The following SLC52A3 variants were observed in gnomAD, a reference collection of about 807,000 sequenced individuals.
SLC52A3 encodes the protein solute carrier family 52, riboflavin transporter, member 3.
A neutral mutation model predicts 29.5 loss-of-function variants in SLC52A3; 20 were observed. The observed-to-expected ratio is 0.68, with a 90% confidence interval of 0.48 to 0.99. The LOEUF is 0.99. Ranked by LOEUF, SLC52A3 falls within the 50% of genes least tolerant of loss-of-function variation. The pLI, the probability that SLC52A3 is intolerant of heterozygous loss-of-function variation, is 0.00. For missense variants in SLC52A3, 548 were observed against 612.9 expected, an observed-to-expected ratio of 0.89 and a Z score of 1.12; for synonymous variants, 301 against 271.0, an observed-to-expected ratio of 1.11 and a Z score of -1.09.
chr20:765,534 C>A lies in SLC52A3; in HGVS notation c.241G>T (p.Val81Leu). 14 of 1,575,926 alleles carry A rather than the reference C, an allele frequency of 8.9e-6. No homozygotes were observed. The highest frequency in any genetic ancestry group is 1.2e-5 in the Non-Finnish European group (14 of 1,160,600). ...AAGATGATGCAGGTGACGGTTCCCA[C>A]GCCCAGCAGGGTGAAGATGATGGGC... ...EVPIIFTLLG[V>L]GTVTCIIFAF... Residue 81 changes from valine to leucine, a missense_variant, in exon 2 of 5, where the codon GTG becomes TTG. Physicochemically the swap from Val to Leu is conservative, Grantham distance 32 (BLOSUM62 1). Coordinates refer to ENST00000645534, the MANE Select transcript of SLC52A3 (RefSeq NM_033409.4). This position sits in a 1 kb window ranked among gnomAD's most constrained non-coding sequence, Gnocchi z 6.6.
In SLC52A3 at chr20:761,562, G is replaced by A. The variant is rs1004932323; in HGVS notation, c.1197+139C>T. On this transcript the variant is annotated intron_variant, in intron 4 of 4. Transcript: ENST00000645534. The stretch of plus-strand genomic sequence containing the variant: ...AGCCTCCACTCCCAAATGAGGAAGG[G>A]GCGCTTCCCCCACCTGGGGCTTCCC... 4.6e-6 allele frequency: 6 copies of A among 1,302,762 alleles called. No individual in the cohort carries two copies. The African/African-American group carries it at 7.3e-5, about 16-fold the overall frequency. 80.7% of individuals were successfully genotyped at this position (1,302,762 alleles called of 1,614,324 possible). A position where few individuals can be genotyped will look rare whatever the true frequency, so the allele number is the denominator to read the frequency against.
chr20:765,135 G>T lies in SLC52A3; in HGVS notation c.567+73C>A. On this transcript the variant is annotated intron_variant, in intron 2 of 4. Transcript: ENST00000645534. The surrounding 1 kb of genome is among the most constrained non-coding windows in gnomAD (Gnocchi z 6.6). ...GACCAAAGAACCTAGAAGGATGGAGGTGAGCAGTTTTTCCCTCCCCTACAT... is the reference window on the plus strand; with the variant it reads ...GACCAAAGAACCTAGAAGGATGGAGTTGAGCAGTTTTTCCCTCCCCTACAT... The T allele has an allele frequency of 1.3e-6, 2 of 1,535,620 alleles. No homozygotes were observed. The highest frequency in any genetic ancestry group is 1.8e-6 in the Non-Finnish European group (2 of 1,111,220).
At chr20:768,921 G>A (rs1270731917), upstream of SLC52A3, among the ~76,000 whole-genome samples, 3 of 152,198 alleles carry the variant, frequency 2.0e-5, no homozygotes, top group Non-Finnish European at 4.4e-5. Flanking sequence ...CCACATCCAA[G>A]CTTTCTACAA....
chr20:761,519 A>T, intron 4 of SLC52A3, 182 bp downstream of exon 4: 1 of 882,670 alleles, frequency 1.1e-6, no homozygotes, highest in Non-Finnish European at 1.8e-6. Flanking sequence ...GAGGCCTACC[A>T]GTCACCTCGA....
At chr20:767,741 A>G (rs1986731510) in intron 1 of SLC52A3, among the ~76,000 whole-genome samples, 1 of 152,200 alleles carries the variant, frequency 6.6e-6, no homozygotes, top group Non-Finnish European at 1.5e-5. Flanking sequence ...TACCTGAAAT[A>G]AGATTTCAAT....
chr20:767,756 C>T (rs1190087212), intron 1 of SLC52A3, among the ~76,000 whole-genome samples: 1 of 152,168 alleles, frequency 6.6e-6, no homozygotes, highest in Non-Finnish European at 1.5e-5. Flanking sequence ...TTCAATCTGG[C>T]TTTTTTTCCT....
rs927297761 is a variant in SLC52A3 at position 763,865 on chromosome 20, C to T, written c.706G>A (p.Val236Met). ...TGACGCTGGAGGACAAAGAACGCCA[C>T]GAGGCAGCAGGCCATCATGATGGAT... ...LLSIMMACCLVAFFVLQRQPR... is the reference protein window; with the variant it reads ...LLSIMMACCLMAFFVLQRQPR... The change falls in exon 3 of 5, where the codon GTG becomes ATG. Residue 236 changes from valine to methionine, a missense_variant. Coordinates refer to ENST00000645534, the MANE Select transcript of SLC52A3 (RefSeq NM_033409.4). The T allele has an allele frequency of 2.3e-5, 37 of 1,614,082 alleles. No homozygotes were observed. The highest frequency in any genetic ancestry group is 4.0e-5 in the African/African-American group (3 of 75,014).
chr20:760,890 A>G lies in SLC52A3; in HGVS notation c.*136T>C. 2 of 866,642 alleles carry G rather than the reference A, an allele frequency of 2.3e-6. No individual in the cohort carries two copies. The highest frequency in any genetic ancestry group is 3.3e-5 in the South Asian group (2 of 59,754). The allele number at this position is 866,642 out of a possible 1,614,324, so 53.7% of individuals were successfully genotyped here. A position where few individuals can be genotyped will look rare whatever the true frequency, so the allele number is the denominator to read the frequency against. The stretch of plus-strand genomic sequence containing the variant: ...CATTTCCAGGTGCCATCTTCCCCAC[A>G]GTCCCCAGTGGGCACTTGCGTTCAT... On this transcript the variant is annotated 3_prime_UTR_variant, in exon 5 of 5. Transcript: ENST00000645534. This position sits in a 1 kb window ranked among gnomAD's most constrained non-coding sequence, Gnocchi z 4.9.
chr20:776,501 A>G (rs1026998373), upstream of SLC52A3, among the ~76,000 whole-genome samples: 7 of 152,086 alleles, frequency 4.6e-5, no homozygotes, highest in Admixed American at 6.5e-5. Context: ...TACTATCCCT[A>G]TTTTCCAGAT....
intron 1 of SLC52A3, among the ~76,000 whole-genome samples, chr20:774,143 C>T (rs930398502): frequency 5.3e-5 from 8 of 152,250 alleles, no homozygotes; most frequent in African/African-American, 1.9e-4. Flanking sequence ...GCTCCTGGCA[C>T]CATGGCTGGG....
At position 760,104 on chromosome 20, in the gene SLC52A3, A is replaced by T. The variant is rs1478542765; in HGVS notation, c.*922T>A. On this transcript the variant is annotated 3_prime_UTR_variant, in exon 5 of 5. Coordinates refer to ENST00000645534, the MANE Select transcript of SLC52A3 (RefSeq NM_033409.4). The surrounding 1 kb of genome is among the most constrained non-coding windows in gnomAD (Gnocchi z 4.9). Reference sequence around the variant, plus strand: ...GTAAAAGCAGGGAATGCCTTTATTTAAAAAAATGAAAAACAGAAACTAAAA... The same window carrying T: ...GTAAAAGCAGGGAATGCCTTTATTTTAAAAAATGAAAAACAGAAACTAAAA... The T allele has an allele frequency of 6.6e-6, 1 of 152,116 alleles. No homozygotes were observed. Among genetic ancestry groups the T allele is most frequent in the African/African-American group, 2.4e-5 (1 of 41,420 alleles). 9.4% of individuals were successfully genotyped at this position (152,116 alleles called of 1,614,324 possible).
upstream of SLC52A3, among the ~76,000 whole-genome samples, chr20:779,270 T>C (rs117278459): frequency 0.014 from 2,126 of 152,338 alleles, 70 homozygotes; most frequent in East Asian, 0.12. Context: ...TCAGAGATTG[T>C]GTAAATTGTA....
At chr20:769,389 A>G (rs1986781481), upstream of SLC52A3, among the ~76,000 whole-genome samples, 1 of 152,156 alleles carries the variant, frequency 6.6e-6, no homozygotes, top group Admixed American at 6.5e-5. Context: ...TTCAAATCCC[A>G]GCTTCAACCC....
chr20:761,591 A>AG, intron 4 of SLC52A3, 110 bp downstream of exon 4: 5 of 1,512,446 alleles, frequency 3.3e-6, no homozygotes, highest in Non-Finnish European at 4.5e-6. Flanking sequence ...GCTTCCCGGG[A>AG]GGGTCCCACA....
intron 1 of SLC52A3, among the ~76,000 whole-genome samples, chr20:766,869 C>T (rs1986704033): frequency 6.6e-6 from 1 of 152,056 alleles, no homozygotes; most frequent in South Asian, 2.1e-4. Flanking sequence ...AGGATATGAA[C>T]AATTCAGAGA....
chr20:764,670 G>T (rs894587621), intron 2 of SLC52A3, among the ~76,000 whole-genome samples: 2 of 152,218 alleles, frequency 1.3e-5, no homozygotes. Context: ...TTTCTAGCTG[G>T]TTATTTTGAA....
At chr20:775,268 CTTTTTTTTT>C (rs57095806) in intron 1 of SLC52A3, among the ~76,000 whole-genome samples, 63 of 133,582 alleles carry the variant, frequency 4.7e-4, no homozygotes, top group Admixed American at 6.8e-4. Flanking sequence ...GGGGCCCAGT[CTTTTTTTTT>C]TTTTTTTTTT....
chr20:764,801 G>A (rs983867110), intron 2 of SLC52A3, among the ~76,000 whole-genome samples: 3 of 152,300 alleles, frequency 2.0e-5, no homozygotes, highest in Non-Finnish European at 2.9e-5. Context: ...TCTGTACCAC[G>A]AAGGGGTATC....
Position 761,138 on chromosome 20 carries a change from C to T in SLC52A3, c.1298G>A (p.Gly433Glu). 1.9e-6 allele frequency: 3 copies of T among 1,592,540 alleles called. No homozygotes were observed. Among genetic ancestry groups the T allele is most frequent in the East Asian group, 2.3e-5 (1 of 43,402 alleles). ...DLSRSALLWC[G>E]AAVQLGSLLG... ...CAGCGAGCCCAGCTGCACCGCCGCCCCGCACCACAAGAGGGCGCTGCGGCT... is the reference window on the plus strand; with the variant it reads ...CAGCGAGCCCAGCTGCACCGCCGCCTCGCACCACAAGAGGGCGCTGCGGCT... Residue 433 changes from glycine (G) to glutamate (E), a missense_variant, in exon 5 of 5, where the codon GGG becomes GAG. This residue lies in a region of SLC52A3 where 173 missense variants were observed against 141.8 expected (regional missense o/e 1.22). Transcript: ENST00000645534.
Sources: allele counts gnomAD v4.1 joint callset (sites outside exome capture counted in the v4.1 genomes callset), GRCh38; gene constraint gnomAD v4.1.1; regional missense constraint gnomAD v4.1.1; non-coding constraint Gnocchi (gnomAD v3.1); transcripts MANE v1.5; gene names NCBI Gene and HGNC (gene_info 2026-07-23, HGNC 2026-07-21).